Variants in TSHZ2 observed in about 807,000 individuals in gnomAD.
TSHZ2 encodes teashirt zinc finger homeobox 2.
A neutral mutation model predicts 74.4 loss-of-function variants in TSHZ2; 21 were observed. The ratio of observed to expected loss-of-function variants is 0.28; its 90% CI spans 0.20 to 0.41. The LOEUF (loss-of-function observed/expected upper bound fraction) is 0.41, where lower values mean the gene tolerates loss of function less well. Ranked by LOEUF, TSHZ2 falls within the 10% of genes least tolerant of loss-of-function variation. The probability of loss-of-function intolerance (pLI) is 1.00; values close to 1 mark genes in which losing one functional copy is unlikely to be tolerated. For missense variants in TSHZ2, 1,244 were observed against 1,293.5 expected (o/e 0.96, Z 0.59); for synonymous variants, 540 against 515.3 (o/e 1.05, Z -0.65).
In TSHZ2 at chr20:53,481,826, G is replaced by A. The variant is rs531551877; in HGVS notation, c.*9-5318G>A. Among the ~76,000 whole-genome samples, 13 of 152,070 alleles carry A rather than the reference G, an allele frequency of 8.5e-5. No homozygotes were observed. The East Asian group carries it at 1.4e-3, about 16-fold the overall frequency. ...AAGTAACTATACTCAGATAATGGCCGGGTGCAGTGGCTTACGCCTGTACTC... is the reference window on the plus strand; with the variant it reads ...AAGTAACTATACTCAGATAATGGCCAGGTGCAGTGGCTTACGCCTGTACTC... On this transcript the variant is annotated intron_variant, in intron 2 of 2. Transcript: ENST00000371497.
rs528447650 is a variant in TSHZ2 at position 53,332,703 on chromosome 20, C to T, written c.*8+76132C>T. On this transcript the variant is annotated intron_variant, in intron 2 of 2. Coordinates refer to ENST00000371497, the MANE Select transcript of TSHZ2 (RefSeq NM_173485.6). ...AGTTCAGGCTAGATTCAGGAGGAAT[C>T]AGCTTGTGTACCAACTTTTTCCTTT... Among the ~76,000 whole-genome samples, 18 of 152,266 alleles carry T rather than the reference C, an allele frequency of 1.2e-4. No homozygotes were observed. The South Asian group carries it at 3.7e-3, about 32-fold the overall frequency.
chr20:53,157,406 G>GTT (rs369371699), intron 1 of TSHZ2, among the ~76,000 whole-genome samples: 3,842 of 134,772 alleles, frequency 0.029, 211 homozygotes, highest in African/African-American at 0.095. Context: ...CATTGAGTTG[G>GTT]TTTTTTTTTT....
chr20:53,218,000 A>G (rs16997755), intron 1 of TSHZ2, among the ~76,000 whole-genome samples: 1,602 of 152,352 alleles, frequency 0.011, 36 homozygotes, highest in African/African-American at 0.036. Context: ...CAAGTATTTT[A>G]CTTTGGGAGA....
rs1213031089 is a variant in TSHZ2 at position 52,973,275 on chromosome 20, G to T, written c.-19G>T. The T allele has an allele frequency of 9.7e-6, 15 of 1,552,550 alleles. No homozygotes were observed. The East Asian group carries it at 3.6e-4, about 38-fold the overall frequency. ...CTCGGGGCTGGGGCGCCAGAAGTGG[G>T]ACTGGAGCGAAGTAGAGGATGCCGA... On this transcript the variant is annotated 5_prime_UTR_variant, in exon 1 of 3. Coordinates refer to ENST00000371497, the MANE Select transcript of TSHZ2 (RefSeq NM_173485.6).
chr20:53,255,177 C>G lies in TSHZ2; in HGVS notation c.1719C>G (p.Asn573Lys), dbSNP rs1990437727. 6.2e-7 allele frequency: 1 copy of G among 1,614,194 alleles called. No homozygotes were observed. The highest frequency in any genetic ancestry group is 8.5e-7 in the Non-Finnish European group (1 of 1,180,042). ...QVLQIRPNLTNKLRPIAPKWK... is the reference protein window; with the variant it reads ...QVLQIRPNLTKKLRPIAPKWK... Reference sequence around the variant, plus strand: ...TGCAGATCCGGCCTAATCTCACCAACAAGCTGAGGCCCATTGCACCAAAGT... The same window carrying G: ...TGCAGATCCGGCCTAATCTCACCAAGAAGCTGAGGCCCATTGCACCAAAGT... The change falls in exon 2 of 3, where the codon AAC becomes AAG. Residue 573 changes from asparagine to lysine, a missense_variant. Coordinates refer to ENST00000371497, the MANE Select transcript of TSHZ2 (RefSeq NM_173485.6). This position sits in a 1 kb window ranked among gnomAD's most constrained non-coding sequence, Gnocchi z 4.1.
At chr20:53,199,206 C>G (rs1162171734) in intron 1 of TSHZ2, among the ~76,000 whole-genome samples, 1 of 152,122 alleles carries the variant, frequency 6.6e-6, no homozygotes, top group African/African-American at 2.4e-5. Flanking sequence ...GAACTAAAAT[C>G]AAGACATGTG....
At chr20:53,402,063 G>A (rs1040538979) in intron 2 of TSHZ2, among the ~76,000 whole-genome samples, 4 of 152,116 alleles carry the variant, frequency 2.6e-5, no homozygotes, top group African/African-American at 9.7e-5. Context: ...GATTACAGGC[G>A]TGAGCCACCG....
intron 2 of TSHZ2, among the ~76,000 whole-genome samples, chr20:53,472,968 C>A (rs1474598451): frequency 1.3e-5 from 2 of 152,018 alleles, no homozygotes; most frequent in South Asian, 2.1e-4. Context: ...AAACGGCGCA[C>A]CACGAGATTA....
rs777910984 is a variant in TSHZ2, at chr20:53,492,998, A to G, written c.*5863A>G. ...ATTTTCTATCACCTGCATGCTGTAT[A>G]TAATACATTTGCCTGTATACTAGGA... is the stretch of plus-strand genomic sequence containing the variant. On this transcript the variant is annotated 3_prime_UTR_variant, in exon 3 of 3. Coordinates refer to ENST00000371497, the MANE Select transcript of TSHZ2 (RefSeq NM_173485.6). 2 of 152,250 alleles carry G rather than the reference A, an allele frequency of 1.3e-5. No homozygotes were observed. Among genetic ancestry groups the G allele is most frequent in the Non-Finnish European group, 2.9e-5 (2 of 68,042 alleles). The allele number at this position is 152,250 out of a possible 1,614,324, so 9.4% of individuals were successfully genotyped here.
At chr20:53,274,147 G>A (rs991871424) in intron 2 of TSHZ2, among the ~76,000 whole-genome samples, 2 of 152,186 alleles carry the variant, frequency 1.3e-5, no homozygotes, top group African/African-American at 4.8e-5. Flanking sequence ...GCGCGTGCCT[G>A]TAATCCCAGC....
chr20:53,450,504 TGAA>T (rs1228673604), intron 2 of TSHZ2, among the ~76,000 whole-genome samples: 1 of 152,196 alleles, frequency 6.6e-6, no homozygotes, highest in Admixed American at 6.5e-5. Context: ...AATTTTACTG[TGAA>T]GAAGACTCTA....
intron 2 of TSHZ2, among the ~76,000 whole-genome samples, chr20:53,339,957 G>A (rs1290812677): frequency 6.6e-6 from 1 of 152,138 alleles, no homozygotes; most frequent in Admixed American, 6.5e-5. Context: ...TGTCTGCTCA[G>A]GCCCAGCAGG....
chr20:53,303,015 G>A (rs1359520197), intron 2 of TSHZ2, among the ~76,000 whole-genome samples: 4 of 152,210 alleles, frequency 2.6e-5, no homozygotes, highest in African/African-American at 9.6e-5. Flanking sequence ...TCTTTCTGCT[G>A]TAGGCCATAT....
intron 2 of TSHZ2, among the ~76,000 whole-genome samples, chr20:53,316,821 G>A (rs999491362): frequency 2.0e-5 from 3 of 152,064 alleles, no homozygotes; most frequent in Non-Finnish European, 4.4e-5. Flanking sequence ...TGCAGAAAAA[G>A]GTTGCCAATC....
At chr20:53,370,812 G>A (rs896732870) in intron 2 of TSHZ2, among the ~76,000 whole-genome samples, 1 of 152,178 alleles carries the variant, frequency 6.6e-6, no homozygotes, top group African/African-American at 2.4e-5. Flanking sequence ...TTTGTGGGTT[G>A]GGTTTGGCTG....
intron 2 of TSHZ2, chr20:53,421,634 C>T: frequency 5.2e-6 from 1 of 190,580 alleles, no homozygotes; most frequent in Non-Finnish European, 1.1e-5. Context: ...AAGAAGATTG[C>T]CATTGCCGAC....
chr20:53,148,287 G>T (rs912009278), intron 1 of TSHZ2, among the ~76,000 whole-genome samples: 1 of 152,138 alleles, frequency 6.6e-6, no homozygotes, highest in African/African-American at 2.4e-5. Flanking sequence ...ATTCTGCATT[G>T]TCTGGGACAC....
chr20:53,247,821 C>G (rs559808022), intron 1 of TSHZ2, among the ~76,000 whole-genome samples: 1 of 152,258 alleles, frequency 6.6e-6, no homozygotes, highest in Admixed American at 6.5e-5. Flanking sequence ...AAAAATCAGC[C>G]TTCTTGAGTT....
intron 2 of TSHZ2, among the ~76,000 whole-genome samples, chr20:53,360,450 C>G (rs547566405): frequency 6.6e-6 from 1 of 152,298 alleles, no homozygotes; most frequent in African/African-American, 2.4e-5. Context: ...CCATATGAAG[C>G]ACAGTGCTGG....
Sources: gnomAD v4.1 joint callset for allele counts (sites outside exome capture counted in the v4.1 genomes callset) on GRCh38, gnomAD v4.1.1 for gene constraint, Gnocchi (gnomAD v3.1) non-coding constraint, MANE v1.5 for transcripts, NCBI Gene and HGNC (gene_info 2026-07-23, HGNC 2026-07-21) for gene names.